Variants in KIAA1549L observed in about 807,000 individuals in gnomAD.
The protein encoded by KIAA1549L is UPF0606 protein KIAA1549L.
KIAA1549L carries 88 observed loss-of-function variants against 160.7 expected under a neutral mutation model. The observed-to-expected ratio is 0.55, with a 90% CI of 0.46 to 0.65. The LOEUF (loss-of-function observed/expected upper bound fraction) is 0.65, where lower values mean the gene tolerates loss of function less well. Among genes scored for constraint, KIAA1549L ranks in the 30% least tolerant of loss-of-function variants. The probability of loss-of-function intolerance (pLI) is 0.00; values close to 1 mark genes in which losing one functional copy is unlikely to be tolerated. For synonymous variants in KIAA1549L, 950 were observed against 976.7 expected, an observed-to-expected ratio of 0.97 and a Z score of 0.51; for missense variants, 2,258 against 2,437.5, an observed-to-expected ratio of 0.93 and a Z score of 1.55.
At chr11:33,378,322 T>G (rs973708574) in intron 1 of KIAA1549L, among the ~76,000 whole-genome samples, 2 of 152,234 alleles carry the variant, frequency 1.3e-5, no homozygotes, top group Non-Finnish European at 2.9e-5. Flanking sequence ...TTGTTCAGCC[T>G]GATGTTGGGT....
intron 1 of KIAA1549L, among the ~76,000 whole-genome samples, chr11:33,410,484 T>C (rs911581425): frequency 3.3e-5 from 5 of 152,362 alleles, no homozygotes; most frequent in South Asian, 4.1e-4. Flanking sequence ...TTAGTTCTTA[T>C]AACACATTTC....
Position 33,670,708 on chromosome 11 carries a change from T to C in KIAA1549L, c.*2554T>C, listed in dbSNP as rs1324299212. On this transcript the variant is annotated 3_prime_UTR_variant, in exon 21 of 21. Transcript: ENST00000658780. ...TGACTGGACAGCTGACTCTAAGAGA[T>C]GGTCAAAAGTGCCTCAAGGAATTGA... The C allele has an allele frequency of 2.0e-5, 3 of 152,214 alleles. No homozygotes were observed. The highest frequency in any genetic ancestry group is 2.9e-5 in the Non-Finnish European group (2 of 68,052). The allele number at this position is 152,214 out of a possible 1,614,324, so 9.4% of individuals were successfully genotyped here.
intron 1 of KIAA1549L, among the ~76,000 whole-genome samples, chr11:33,535,914 A>G (rs1464910767): frequency 6.6e-6 from 1 of 152,152 alleles, no homozygotes; most frequent in African/African-American, 2.4e-5. Flanking sequence ...AACATCAGCT[A>G]TCTCTCATTT....
intron 1 of KIAA1549L, among the ~76,000 whole-genome samples, chr11:33,501,809 A>C (rs939819565): frequency 1.3e-5 from 2 of 152,160 alleles, no homozygotes; most frequent in Non-Finnish European, 2.9e-5. Flanking sequence ...ACTCCAAGGT[A>C]GCTACAATTA....
intron 1 of KIAA1549L, among the ~76,000 whole-genome samples, chr11:33,468,931 A>T (rs1852117827): frequency 6.6e-6 from 1 of 152,164 alleles, no homozygotes; most frequent in South Asian, 2.1e-4. Flanking sequence ...GTAAATGTTG[A>T]AAGAGGGTAC....
At chr11:33,421,464 G>C (rs942302628) in intron 1 of KIAA1549L, among the ~76,000 whole-genome samples, 3 of 152,238 alleles carry the variant, frequency 2.0e-5, no homozygotes, top group African/African-American at 7.2e-5. Context: ...TAGAAATGCA[G>C]AATCCTAGGC....
intron 12 of KIAA1549L, 45 bp downstream of exon 12, chr11:33,591,466 T>G: frequency 6.8e-7 from 1 of 1,467,632 alleles, no homozygotes; most frequent in Non-Finnish European, 9.3e-7. Flanking sequence ...AGCAAGAGAA[T>G]AATTGATGAT....
At chr11:33,526,088 C>T (rs1853605286) in intron 1 of KIAA1549L, among the ~76,000 whole-genome samples, 1 of 152,056 alleles carries the variant, frequency 6.6e-6, no homozygotes, top group Non-Finnish European at 1.5e-5. Flanking sequence ...CTCTATGGCC[C>T]CACCTATTGC....
intron 1 of KIAA1549L, among the ~76,000 whole-genome samples, chr11:33,458,234 A>G (rs891429119): frequency 5.3e-5 from 8 of 152,222 alleles, no homozygotes; most frequent in Admixed American, 5.2e-4. Context: ...TTGAAGCTGG[A>G]CTACCATCAT....
chr11:33,397,346 A>G (rs1850399544), intron 1 of KIAA1549L, among the ~76,000 whole-genome samples: 1 of 149,538 alleles, frequency 6.7e-6, no homozygotes, highest in Admixed American at 6.7e-5. Flanking sequence ...AAAAAAAAAA[A>G]AAATTCAAAA....
chr11:33,534,746 C>T (rs1420641255), intron 1 of KIAA1549L, among the ~76,000 whole-genome samples: 1 of 152,146 alleles, frequency 6.6e-6, no homozygotes, highest in Non-Finnish European at 1.5e-5. Context: ...ATGACTCATT[C>T]TCTATGATGT....
chr11:33,655,297 C>T (rs1852027669), intron 17 of KIAA1549L, among the ~76,000 whole-genome samples: 1 of 152,154 alleles, frequency 6.6e-6, no homozygotes. Flanking sequence ...TTCTCAGCAG[C>T]CCTCTGAGCA....
intron 18 of KIAA1549L, among the ~76,000 whole-genome samples, chr11:33,657,387 A>G (rs1241467007): frequency 6.6e-6 from 1 of 152,040 alleles, no homozygotes; most frequent in African/African-American, 2.4e-5. Flanking sequence ...ATCTTGCCAC[A>G]TATCGGGGGT....
In KIAA1549L at chr11:33,543,964, C is replaced by T; in HGVS notation, c.2401C>T (p.Leu801Phe). The T allele has an allele frequency of 6.2e-7, 1 of 1,613,966 alleles. No individual in the cohort carries two copies. Among genetic ancestry groups the T allele is most frequent in the Non-Finnish European group, 8.5e-7 (1 of 1,179,896 alleles). The change falls in exon 2 of 21, where the codon CTC becomes TTC. Residue 801 changes from leucine to phenylalanine, a missense_variant. Transcript: ENST00000658780. ...GACCATGGTTGGAAGCCATATAGAC[C>T]TCTGGCCCACAAGCAATAACAACCA... is the stretch of plus-strand genomic sequence containing the variant. ...DMTMVGSHID[L>F]WPTSNNNHSR... is the part of the protein sequence containing the mutation.
At chr11:33,466,898 C>A (rs2133014569) in intron 1 of KIAA1549L, among the ~76,000 whole-genome samples, 1 of 131,564 alleles carries the variant, frequency 7.6e-6, no homozygotes, top group Non-Finnish European at 1.5e-5. Flanking sequence ...TGTTCTCACT[C>A]ATAAGTGGGA....
chr11:33,670,195 AG>A lies in KIAA1549L; in HGVS notation c.*2042del, dbSNP rs1417384861. On this transcript the variant is annotated 3_prime_UTR_variant, in exon 21 of 21. Coordinates refer to ENST00000658780, the MANE Select transcript of KIAA1549L (RefSeq NM_012194.3). Reference sequence around the variant, plus strand: ...GCTTTATCAATAATAATATTTCATTAGTGCAATGATATCAACCAGTACTTTG... The same window carrying A: ...GCTTTATCAATAATAATATTTCATTATGCAATGATATCAACCAGTACTTTG... 2.0e-5 allele frequency: 3 copies of A among 152,254 alleles called. No homozygotes were observed. The highest frequency in any genetic ancestry group is 2.0e-4 in the Admixed American group (3 of 15,290). The allele number at this position is 152,254 out of a possible 1,614,324, so 9.4% of individuals were successfully genotyped here.
chr11:33,526,173 A>G (rs893863308), intron 1 of KIAA1549L, among the ~76,000 whole-genome samples: 3 of 152,170 alleles, frequency 2.0e-5, no homozygotes, highest in African/African-American at 7.2e-5. Flanking sequence ...ACTGCAGCTT[A>G]TGCTCTCTTG....
chr11:33,587,635 A>G (rs550637740), intron 11 of KIAA1549L, among the ~76,000 whole-genome samples: 5 of 152,356 alleles, frequency 3.3e-5, no homozygotes, highest in Non-Finnish European at 7.3e-5. Flanking sequence ...TAACCTAATA[A>G]CAATGGGAAC....
At chr11:33,584,256 C>T (rs970759123) in intron 11 of KIAA1549L, among the ~76,000 whole-genome samples, 3 of 152,204 alleles carry the variant, frequency 2.0e-5, no homozygotes, top group Non-Finnish European at 4.4e-5. Flanking sequence ...TACAACAGCC[C>T]GAACTGACTT....
Sources: gnomAD v4.1 joint callset for allele counts (sites outside exome capture counted in the v4.1 genomes callset) on GRCh38, gnomAD v4.1.1 for gene constraint, MANE v1.5 for transcripts, NCBI Gene and HGNC (gene_info 2026-07-23, HGNC 2026-07-21) for gene names.